The following ZZEF1 variants were observed in gnomAD, a reference collection of about 807,000 sequenced individuals.
ZZEF1 encodes the protein zinc finger ZZ-type and EF-hand domain containing 1.
A neutral mutation model predicts 342.8 loss-of-function variants in ZZEF1; 157 were observed. The ratio of observed to expected loss-of-function variants is 0.46; its 90% CI spans 0.40 to 0.52. The LOEUF (loss-of-function observed/expected upper bound fraction) is 0.52, where lower values mean the gene tolerates loss of function less well. Among genes scored for constraint, ZZEF1 ranks in the 20% least tolerant of loss-of-function variants. The pLI, the probability that ZZEF1 is intolerant of heterozygous loss-of-function variation, is 0.00. For missense variants in ZZEF1, 3,480 were observed against 3,725.6 expected (o/e 0.93, Z 1.72); for synonymous variants, 1,505 against 1,429.1 (o/e 1.05, Z -1.20).
chr17:4,106,900 TC>T (rs1423805644), intron 6 of ZZEF1, among the ~76,000 whole-genome samples: 2 of 152,204 alleles, frequency 1.3e-5, no homozygotes, highest in African/African-American at 4.8e-5. Flanking sequence ...CAATTTCATT[TC>T]TACATTTCAA....
In ZZEF1 at chr17:4,142,623, G is replaced by A. The variant is rs767191571; in HGVS notation, c.273C>T (p.Gly91=). 4 of 1,605,122 alleles carry A rather than the reference G, an allele frequency of 2.5e-6. No individual in the cohort carries two copies. Among genetic ancestry groups the A allele is most frequent in the African/African-American group, 1.3e-5 (1 of 74,896 alleles). Residue 91 remains glycine (G), a synonymous_variant, in exon 1 of 55, where the codon GGC becomes GGT. Transcript: ENST00000381638. ...ACTGCTCCAGAGTGACAGACTCTTC[G>A]CCGCGGCCCAGCCGCTCTTCCAGCC... ...FRWLEERLGR[G]EESVTLEQFR...
intron 1 of ZZEF1, among the ~76,000 whole-genome samples, chr17:4,136,778 C>T (rs941824927): frequency 1.2e-4 from 18 of 152,136 alleles, no homozygotes; most frequent in African/African-American, 4.1e-4. Context: ...GGATCATTCC[C>T]AAAACGTGCC....
chr17:4,033,144 T>C (rs2056585848), intron 40 of ZZEF1, 142 bp from the exon 41 acceptor site: 2 of 779,438 alleles, frequency 2.6e-6, no homozygotes, highest in Non-Finnish European at 3.9e-6. Context: ...ATAATGCTTT[T>C]CGTATAATGG....
intron 30 of ZZEF1, among the ~76,000 whole-genome samples, chr17:4,062,442 T>C (rs1242941299): frequency 6.6e-6 from 1 of 151,772 alleles, no homozygotes; most frequent in African/African-American, 2.4e-5. Context: ...CAGATTAATA[T>C]CTTTTCTGTA....
chr17:4,095,061 T>C (rs1265964857), intron 11 of ZZEF1, among the ~76,000 whole-genome samples: 1 of 152,204 alleles, frequency 6.6e-6, no homozygotes, highest in African/African-American at 2.4e-5. Flanking sequence ...CTGAATGCCC[T>C]GCCCTTTCCC....
At chr17:4,018,676 TTC>T (rs1031137302) in intron 46 of ZZEF1, among the ~76,000 whole-genome samples, 2 of 152,088 alleles carry the variant, frequency 1.3e-5, no homozygotes, top group Non-Finnish European at 2.9e-5. Flanking sequence ...TCGGTGGCCC[TTC>T]TCTCTCTCTA....
intron 52 of ZZEF1, among the ~76,000 whole-genome samples, chr17:4,010,156 T>C (rs1787534492): frequency 1.3e-5 from 2 of 151,314 alleles, no homozygotes; most frequent in South Asian, 4.2e-4. Context: ...AGACCCTGTC[T>C]CTACAAAAAA....
intron 25 of ZZEF1, among the ~76,000 whole-genome samples, chr17:4,072,249 T>C (rs1189201450): frequency 1.3e-5 from 2 of 152,228 alleles, no homozygotes; most frequent in Admixed American, 1.3e-4. Flanking sequence ...ACCTAAATCA[T>C]GTGCTGTAAT....
chr17:4,126,455 A>G (rs2058575000), intron 1 of ZZEF1, among the ~76,000 whole-genome samples: 1 of 152,166 alleles, frequency 6.6e-6, no homozygotes, highest in African/African-American at 2.4e-5. Flanking sequence ...CAAAGAATAC[A>G]AGATGCAACA....
intron 35 of ZZEF1, among the ~76,000 whole-genome samples, chr17:4,051,459 C>T (rs1003427709): frequency 2.0e-5 from 3 of 152,110 alleles, no homozygotes; most frequent in Non-Finnish European, 4.4e-5. Flanking sequence ...CTCGTTCTGT[C>T]GCTCAGGCTG....
chr17:4,006,726 G>A lies in ZZEF1; in HGVS notation c.*164C>T, dbSNP rs903695215. Reference sequence around the variant, plus strand: ...CAGCCTGTGCTTGTGTCCAGCCTACGCACGGGAGCTCTTGGAGACGTGGCT... The same window carrying A: ...CAGCCTGTGCTTGTGTCCAGCCTACACACGGGAGCTCTTGGAGACGTGGCT... On this transcript the variant is annotated 3_prime_UTR_variant, in exon 55 of 55. Transcript: ENST00000381638. The A allele has an allele frequency of 2.6e-5, 19 of 718,918 alleles. No homozygotes were observed. Among genetic ancestry groups the A allele is most frequent in the African/African-American group, 5.2e-5 (3 of 57,378 alleles). The allele number at this position is 718,918 out of a possible 1,614,324, so 44.5% of individuals were successfully genotyped here. A position where few individuals can be genotyped will look rare whatever the true frequency, so the allele number is the denominator to read the frequency against.
chr17:4,066,888 C>T (rs1274810764), intron 27 of ZZEF1, among the ~76,000 whole-genome samples: 1 of 151,982 alleles, frequency 6.6e-6, no homozygotes, highest in Non-Finnish European at 1.5e-5. Flanking sequence ...GCCATGGTTA[C>T]CTAGTATCTA....
chr17:4,123,872 T>C (rs1299656455), intron 2 of ZZEF1, 35 bp downstream of exon 2: 1 of 1,600,484 alleles, frequency 6.2e-7, no homozygotes, highest in Admixed American at 1.8e-5. Context: ...AAAGTTCACT[T>C]TGGTTCTAAG....
At chr17:4,139,224 G>T (rs1275030067) in intron 1 of ZZEF1, among the ~76,000 whole-genome samples, 2 of 150,966 alleles carry the variant, frequency 1.3e-5, no homozygotes, top group Non-Finnish European at 2.9e-5. Flanking sequence ...CCAACTCCAA[G>T]AACTTCTTTA....
At chr17:4,053,728 CGT>C (rs1162176089) in intron 34 of ZZEF1, among the ~76,000 whole-genome samples, 1 of 152,198 alleles carries the variant, frequency 6.6e-6, no homozygotes, top group East Asian at 1.9e-4. Context: ...TGTATGTGTG[CGT>C]GTGTATTTTG....
At chr17:4,066,419 G>C in intron 28 of ZZEF1, 28 bp downstream of exon 28, 1 of 1,608,502 alleles carries the variant, frequency 6.2e-7, no homozygotes, top group Non-Finnish European at 8.5e-7. Flanking sequence ...GAAGGCTCAG[G>C]GACAACAGCT....
chr17:4,011,987 A>G (rs2055972706), intron 52 of ZZEF1, among the ~76,000 whole-genome samples: 3 of 152,218 alleles, frequency 2.0e-5, no homozygotes, highest in Admixed American at 6.5e-5. Context: ...CGCATGAAAG[A>G]GGCTAGGGTG....
chr17:4,120,128 C>A (rs992413388), intron 2 of ZZEF1, among the ~76,000 whole-genome samples: 3 of 151,938 alleles, frequency 2.0e-5, no homozygotes, highest in African/African-American at 7.3e-5. Flanking sequence ...GAGGCCAAGG[C>A]GGGCAGATCA....
intron 37 of ZZEF1, 66 bp downstream of exon 37, chr17:4,049,642 C>T: frequency 6.3e-7 from 1 of 1,594,598 alleles, no homozygotes; most frequent in Non-Finnish European, 8.6e-7. Context: ...TGCTATGCTG[C>T]ACTGAGTGAA....
Sources: gnomAD v4.1 joint callset for allele counts (sites outside exome capture counted in the v4.1 genomes callset) on GRCh38, gnomAD v4.1.1 for gene constraint, MANE v1.5 for transcripts, NCBI Gene and HGNC (gene_info 2026-07-23, HGNC 2026-07-21) for gene names.